PRKG1: variants seen among roughly 807,000 people sequenced by gnomAD.
PRKG1 encodes cGMP-dependent protein kinase 1.
PRKG1 carries 35 observed loss-of-function variants against 88.1 expected under a neutral mutation model. That is an observed-to-expected ratio of 0.40 (90% CI 0.30 to 0.53). The LOEUF is 0.53. Ranked by LOEUF, PRKG1 falls within the 20% of genes least tolerant of loss-of-function variation. The probability of loss-of-function intolerance (pLI) is 0.59; values close to 1 mark genes in which losing one functional copy is unlikely to be tolerated. For missense variants in PRKG1, 540 were observed against 839.8 expected (o/e 0.64, Z 4.41); for synonymous variants, 303 against 292.5 (o/e 1.04, Z -0.37).
chr10:51,126,180 TTATA>T (rs1349013624), intron 1 of PRKG1, among the ~76,000 whole-genome samples: 1 of 122,196 alleles, frequency 8.2e-6, no homozygotes, highest in Admixed American at 8.9e-5. Context: ...ATTTATATAT[TTATA>T]TATAATTATT....
intron 1 of PRKG1, among the ~76,000 whole-genome samples, chr10:51,021,424 G>C (rs2132735169): frequency 6.6e-6 from 1 of 152,230 alleles, no homozygotes; most frequent in East Asian, 1.9e-4. Context: ...GCTAGAACTT[G>C]CTACCAAATC....
chr10:51,610,755 G>T (rs561218079), intron 3 of PRKG1, among the ~76,000 whole-genome samples: 44 of 152,112 alleles, frequency 2.9e-4, no homozygotes, highest in Non-Finnish European at 5.6e-4. Flanking sequence ...CAGGGATAAA[G>T]CTGGAAGCCA....
chr10:52,098,537 G>A (rs185292983), intron 7 of PRKG1, among the ~76,000 whole-genome samples: 3 of 152,238 alleles, frequency 2.0e-5, no homozygotes, highest in East Asian at 1.9e-4. Flanking sequence ...TAGGCCGGGC[G>A]CGGTGGCTCA....
chr10:52,205,445 T>C (rs1839794105), intron 9 of PRKG1, among the ~76,000 whole-genome samples: 1 of 152,060 alleles, frequency 6.6e-6, no homozygotes, highest in Non-Finnish European at 1.5e-5. Flanking sequence ...AGCCAACACT[T>C]AGGGAAACAG....
chr10:51,228,587 G>A (rs890008324), intron 2 of PRKG1, among the ~76,000 whole-genome samples: 3 of 152,084 alleles, frequency 2.0e-5, no homozygotes, highest in African/African-American at 7.2e-5. Context: ...CCTACTTATG[G>A]GAGAAAGAGA....
rs1168735613 is a variant in PRKG1, at chr10:52,034,331, C to T, written c.763-20153C>T. 8.5e-4 allele frequency among the ~76,000 whole-genome samples: 107 copies of T among 125,210 alleles called. 1 individual carries two copies. Among genetic ancestry groups the T allele is most frequent in the African/African-American group, 1.3e-3 (42 of 33,474 alleles). The allele number at this position is 125,210 out of a possible 152,430, so 82.1% of individuals were successfully genotyped here. A position where few individuals can be genotyped will look rare whatever the true frequency, so the allele number is the denominator to read the frequency against. On this transcript the variant is annotated intron_variant, in intron 5 of 17. Transcript: ENST00000373980. ...CGATGTTTCTCAGGGCTGCTTCAAG[C>T]GGGATTAGGGGTGACGTGGGAACCT...
At chr10:51,908,605 T>C (rs958489927) in intron 5 of PRKG1, 1 of 151,148 alleles carries the variant, frequency 6.6e-6, no homozygotes, top group Non-Finnish European at 1.5e-5. Context: ...AAAAAATAAA[T>C]AAAGAAGCTG....
intron 3 of PRKG1, among the ~76,000 whole-genome samples, chr10:51,784,001 G>A (rs1321129075): frequency 6.6e-6 from 1 of 151,980 alleles, no homozygotes; most frequent in Non-Finnish European, 1.5e-5. Flanking sequence ...TTGCCATCTT[G>A]GTTAACTCTT....
intron 5 of PRKG1, among the ~76,000 whole-genome samples, chr10:52,036,852 T>C (rs1422893566): frequency 6.6e-6 from 1 of 151,778 alleles, no homozygotes; most frequent in African/African-American, 2.4e-5. Flanking sequence ...TGGCCGTCAA[T>C]ACCCACAACA....
At chr10:52,175,051 T>A (rs1017630295) in intron 9 of PRKG1, among the ~76,000 whole-genome samples, 1 of 152,036 alleles carries the variant, frequency 6.6e-6, no homozygotes, top group Non-Finnish European at 1.5e-5. Flanking sequence ...AACTGTGTCA[T>A]CCTACAATGA....
chr10:51,635,373 A>G (rs1839631717), intron 3 of PRKG1, among the ~76,000 whole-genome samples: 1 of 152,118 alleles, frequency 6.6e-6, no homozygotes, highest in African/African-American at 2.4e-5. Context: ...ATAAGCTAAT[A>G]AAAGTGTCCT....
intron 2 of PRKG1, among the ~76,000 whole-genome samples, chr10:51,403,556 G>T (rs1385567713): frequency 2.6e-5 from 4 of 152,000 alleles, no homozygotes; most frequent in Admixed American, 2.6e-4. Context: ...CTCATTTAAG[G>T]ATAAGACTCA....
At chr10:51,318,988 A>C (rs1430676621) in intron 2 of PRKG1, among the ~76,000 whole-genome samples, 1 of 152,230 alleles carries the variant, frequency 6.6e-6, no homozygotes, top group Non-Finnish European at 1.5e-5. Flanking sequence ...CTGCTGGCTA[A>C]CTATAGCATT....
Position 51,675,182 on chromosome 10 carries a change from A to C in PRKG1, c.593-129403A>C, listed in dbSNP as rs191324587. Among the ~76,000 whole-genome samples, 96 of 152,340 alleles carry C rather than the reference A, an allele frequency of 6.3e-4. 1 individual carries two copies. In the South Asian group the frequency reaches 0.019, roughly 30 times the overall value. ...AGTCTTACTATTAGATAGCATATGA[A>C]ATATAACACTGACCCAGAAATCATA... On this transcript the variant is annotated intron_variant, in intron 3 of 17. Transcript: ENST00000373980.
intron 2 of PRKG1, among the ~76,000 whole-genome samples, chr10:51,281,344 A>C (rs1457441338): frequency 6.6e-6 from 1 of 152,142 alleles, no homozygotes; most frequent in Admixed American, 6.5e-5. Flanking sequence ...GTCCATTCTC[A>C]GATATCAAAC....
chr10:51,232,561 A>C (rs562728838), intron 2 of PRKG1, among the ~76,000 whole-genome samples: 3 of 138,996 alleles, frequency 2.2e-5, no homozygotes, highest in African/African-American at 8.3e-5. Context: ...CTATACCGTC[A>C]TTCAAAAACC....
intron 3 of PRKG1, among the ~76,000 whole-genome samples, chr10:51,727,437 A>G (rs117940783): frequency 0.012 from 1,855 of 152,286 alleles, 20 homozygotes; most frequent in Non-Finnish European, 0.022. Context: ...AAAGGGGTCA[A>G]TGTGTCACTC....
intron 7 of PRKG1, among the ~76,000 whole-genome samples, chr10:52,069,936 C>G (rs934836262): frequency 2.1e-5 from 3 of 142,692 alleles, no homozygotes; most frequent in Non-Finnish European, 4.7e-5. Context: ...TTACCTTCTT[C>G]TATTTTAATG....
chr10:52,044,601 C>T (rs183550377), intron 5 of PRKG1, among the ~76,000 whole-genome samples: 17 of 152,210 alleles, frequency 1.1e-4, no homozygotes, highest in African/African-American at 3.9e-4. Context: ...GTAAGGAATA[C>T]GTTTTACACT....
Sources: allele counts gnomAD v4.1 joint callset (sites outside exome capture counted in the v4.1 genomes callset), GRCh38; gene constraint gnomAD v4.1.1; transcripts MANE v1.5; gene names NCBI Gene and HGNC (gene_info 2026-07-23, HGNC 2026-07-21).